Variants in CCDC88B observed in about 807,000 individuals in gnomAD.
The protein encoded by CCDC88B is coiled-coil domain-containing protein 88B.
In CCDC88B, 138 loss-of-function variants were observed where a neutral mutation model predicts 183.7. That is an observed-to-expected ratio of 0.75 (90% confidence interval 0.65 to 0.87). The LOEUF (loss-of-function observed/expected upper bound fraction) is 0.87. Among genes scored for constraint, CCDC88B ranks in the 40% least tolerant of loss-of-function variants. The pLI is 0.00. For synonymous variants in CCDC88B, 835 were observed against 867.5 expected, an observed-to-expected ratio of 0.96 and a Z score of 0.66; for missense variants, 1,822 against 1,965.6, an observed-to-expected ratio of 0.93 and a Z score of 1.38.
At chr11:64,352,094 C>T in intron 18 of CCDC88B, 36 bp from the exon 19 acceptor site, 1 of 1,517,440 alleles carries the variant, frequency 6.6e-7, no homozygotes, top group Non-Finnish European at 8.8e-7. Context: ...CCAGGGGTTC[C>T]TCCCCAGCAG....
At chr11:64,340,876 G>C (rs2035812076) in intron 2 of CCDC88B, 31 bp from the exon 3 acceptor site, 1 of 1,536,338 alleles carries the variant, frequency 6.5e-7, no homozygotes, top group Non-Finnish European at 8.8e-7. Flanking sequence ...TTGACGGGAG[G>C]CGGGTCCTCG....
In CCDC88B at chr11:64,341,605, C is replaced by A; in HGVS notation, c.538C>A (p.Gln180Lys). 6.2e-7 allele frequency: 1 copy of A among 1,600,696 alleles called. No homozygotes were observed. Among genetic ancestry groups the A allele is most frequent in the South Asian group, 1.1e-5 (1 of 89,426 alleles). The change falls in exon 7 of 27, where the codon CAG (glutamine) becomes AAG (lysine). Residue 180 changes from glutamine to lysine, a missense_variant. Transcript: ENST00000356786. ...ELAAAIQEVT[Q>K]PGAGVVLALS... is the part of the protein sequence containing the mutation. ...TGCTCTTCCTGCGCCCCAGGTGACCCAGCCGGGGGCCGGCGTGGTGCTGGC... is the reference window on the plus strand; with the variant it reads ...TGCTCTTCCTGCGCCCCAGGTGACCAAGCCGGGGGCCGGCGTGGTGCTGGC...
intron 24 of CCDC88B, 147 bp downstream of exon 24, chr11:64,354,317 G>T (rs1236275153): frequency 6.5e-6 from 4 of 619,254 alleles, no homozygotes; most frequent in Middle Eastern, 5.0e-4. Context: ...GCCACCAGGG[G>T]CTCTTTTCCC....
chr11:64,342,900 G>A, intron 10 of CCDC88B: 1 of 416,128 alleles, frequency 2.4e-6, no homozygotes, highest in East Asian at 5.4e-5. Context: ...AAGTGATGCA[G>A]CCTTGGAAGG....
chr11:64,353,025 T>C (rs1214455110), intron 20 of CCDC88B, 29 bp from the exon 21 acceptor site: 10 of 1,557,436 alleles, frequency 6.4e-6, no homozygotes, highest in South Asian at 1.2e-5. Flanking sequence ...CCCAGGTCCC[T>C]TGGAGAGCAG....
chr11:64,356,017 G>T (rs7939294), intron 26 of CCDC88B: 2,074 of 113,526 alleles, frequency 0.018, 65 homozygotes, highest in African/African-American at 0.048. Flanking sequence ...TAGACGTGAT[G>T]TTTTTTTTTT....
chr11:64,345,992 G>A (rs1467762748), intron 14 of CCDC88B, among the ~76,000 whole-genome samples: 2 of 152,280 alleles, frequency 1.3e-5, no homozygotes, highest in African/African-American at 4.8e-5. Flanking sequence ...GCGACAGAGC[G>A]AGACTGTCTC....
intron 15 of CCDC88B, 27 bp from the exon 16 acceptor site, chr11:64,349,524 G>A (rs2036246606): frequency 1.3e-6 from 2 of 1,498,196 alleles, no homozygotes; most frequent in South Asian, 2.3e-5. Flanking sequence ...GTGGGGTGGG[G>A]CTGGGTGCTA....
chr11:64,353,778 C>T lies in CCDC88B; in HGVS notation c.3897C>T (p.Tyr1299=), dbSNP rs761101087. The change falls in exon 23 of 27, where the codon TAC becomes TAT. Residue 1299 remains tyrosine (Y), a synonymous_variant. Coordinates refer to ENST00000356786, the MANE Select transcript of CCDC88B (RefSeq NM_032251.6). Reference sequence around the variant, plus strand: ...TCGTGGAGAAGATCATGGACCAATACCGCGTGCTGGAGCCTGTGCCCCTGC... The same window carrying T: ...TCGTGGAGAAGATCATGGACCAATATCGCGTGCTGGAGCCTGTGCCCCTGC... ...QKLVEKIMDQ[Y]RVLEPVPLPR... 6.8e-6 allele frequency: 11 copies of T among 1,613,984 alleles called. No homozygotes were observed. The East Asian group carries it at 2.0e-4, about 29-fold the overall frequency.
intron 26 of CCDC88B, 55 bp downstream of exon 26, chr11:64,355,683 GCAGAACCTCATTCATC>G: frequency 6.8e-7 from 1 of 1,474,750 alleles, no homozygotes. Flanking sequence ...GGGGCCCCTG[GCAGAACCTCATTCATC>G]CATTCTTTCA....
chr11:64,351,499 G>A lies in CCDC88B; in HGVS notation c.2982G>A (p.Lys994=). 1 of 1,588,296 alleles carries A rather than the reference G, an allele frequency of 6.3e-7. No homozygotes were observed. Among genetic ancestry groups the A allele is most frequent in the South Asian group, 1.1e-5 (1 of 88,940 alleles). Residue 994 remains lysine (K), a synonymous_variant, in exon 18 of 27, where the codon AAG becomes AAA. Coordinates refer to ENST00000356786, the MANE Select transcript of CCDC88B (RefSeq NM_032251.6). ...ERSNAMLVAE[K]AALQGQLQHL... ...AGAATGCGATGCTGGTGGCAGAGAA[G>A]GCAGCTTTGCAGGGGCAGCTGCAGC...
chr11:64,355,207 G>T lies in CCDC88B; in HGVS notation c.4113G>T (p.Pro1371=). The T allele has an allele frequency of 6.7e-7, 1 of 1,484,108 alleles. No individual in the cohort carries two copies. The highest frequency in any genetic ancestry group is 8.9e-7 in the Non-Finnish European group (1 of 1,118,906). The allele number at this position is 1,484,108 out of a possible 1,614,324, so 91.9% of individuals were successfully genotyped here. The change falls in exon 25 of 27, where the codon CCG becomes CCT. Residue 1371 remains proline (P), a synonymous_variant. Coordinates refer to ENST00000356786, the MANE Select transcript of CCDC88B (RefSeq NM_032251.6). The stretch of plus-strand genomic sequence containing the variant: ...TACCTCTTGCAGGGTCCCCTTCCCC[G>T]GCACCCATGCGCCGGGCCCAGAGCT... ...READGTGSPS[P]APMRRAQSSL... is the part of the protein sequence containing the mutation.
At chr11:64,352,666 C>T (rs1361148994) in intron 19 of CCDC88B, 78 bp from the exon 20 acceptor site, 22 of 1,590,658 alleles carry the variant, frequency 1.4e-5, no homozygotes, top group Non-Finnish European at 1.8e-5. Context: ...CCCCCCCGCC[C>T]CGGGTCCAGA....
intron 3 of CCDC88B, 37 bp downstream of exon 3, chr11:64,341,055 G>A (rs1435275334): frequency 1.2e-6 from 2 of 1,613,632 alleles, no homozygotes; most frequent in East Asian, 2.2e-5. Flanking sequence ...GACAGGAGGG[G>A]AAGAGGAGCC....
chr11:64,343,093 A>T, intron 10 of CCDC88B, 86 bp from the exon 11 acceptor site: 1 of 1,419,942 alleles, frequency 7.0e-7, no homozygotes, highest in Non-Finnish European at 9.3e-7. Flanking sequence ...GGTCTGTGAC[A>T]GGCTGAGGGG....
Position 64,344,296 on chromosome 11 carries a change from A to C in CCDC88B, c.1755A>C (p.Thr585=). The change falls in exon 14 of 27, where the codon ACA becomes ACC. Residue 585 remains threonine (T), a synonymous_variant. Transcript: ENST00000356786. The surrounding 1 kb of genome is among the most constrained non-coding windows in gnomAD (Gnocchi z 4.5). The part of the protein sequence containing the change: ...SPQESGSPVE[T]QESPEKAGRR... ...AAGAGTCAGGCTCTCCTGTGGAGAC[A>C]CAGGAGTCCCCGGAGAAGGCTGGCC... 1 of 1,613,714 alleles carries C rather than the reference A, an allele frequency of 6.2e-7. No individual in the cohort carries two copies.
chr11:64,357,232 C>T lies in CCDC88B; in HGVS notation c.*138C>T. 1 of 1,066,294 alleles carries T rather than the reference C, an allele frequency of 9.4e-7. No individual in the cohort carries two copies. The highest frequency in any genetic ancestry group is 1.4e-6 in the Non-Finnish European group (1 of 690,910). The allele number at this position is 1,066,294 out of a possible 1,614,324, so 66.1% of individuals were successfully genotyped here. A position where few individuals can be genotyped will look rare whatever the true frequency, so the allele number is the denominator to read the frequency against. On this transcript the variant is annotated 3_prime_UTR_variant, in exon 27 of 27. Coordinates refer to ENST00000356786, the MANE Select transcript of CCDC88B (RefSeq NM_032251.6). The stretch of plus-strand genomic sequence containing the variant: ...GACAAGGAGGCCTGGGCCCTGAGAT[C>T]CTCCACGGTCAGCGCCGGGGCCCGG...
chr11:64,353,566 T>A, intron 22 of CCDC88B, 70 bp downstream of exon 22: 2 of 1,583,256 alleles, frequency 1.3e-6, no homozygotes, highest in South Asian at 2.3e-5. Context: ...GAGCCCTTAG[T>A]GAGGGCCTAG....
chr11:64,356,932 G>A (rs945126027), intron 26 of CCDC88B, 107 bp from the exon 27 acceptor site: 2 of 1,054,624 alleles, frequency 1.9e-6, no homozygotes, highest in East Asian at 2.4e-5. Context: ...GAAGCGGGGG[G>A]TATTGGCAGG....
Sources: gnomAD v4.1 joint callset for allele counts (sites outside exome capture counted in the v4.1 genomes callset) on GRCh38, gnomAD v4.1.1 for gene constraint, Gnocchi (gnomAD v3.1) non-coding constraint, MANE v1.5 for transcripts, NCBI Gene and HGNC (gene_info 2026-07-23, HGNC 2026-07-21) for gene names.